Variants in TP53BP1 observed in about 807,000 individuals in gnomAD.
TP53BP1 encodes the protein TP53-binding protein 1.
Under a neutral mutation model 200.8 loss-of-function variants are expected in TP53BP1, and 61 were observed. That is an observed-to-expected ratio of 0.30 (90% CI 0.25 to 0.38). TP53BP1 has a LOEUF of 0.38. Among genes scored for constraint, TP53BP1 ranks in the 10% least tolerant of loss-of-function variants. TP53BP1 has a pLI of 1.00. For synonymous variants in TP53BP1, 822 were observed against 844.3 expected (o/e 0.97, Z 0.46); for missense variants, 2,144 against 2,371.9 (o/e 0.90, Z 2.00).
chr15:43,418,957 C>T (rs181982742), intron 21 of TP53BP1, among the ~76,000 whole-genome samples: 10 of 152,336 alleles, frequency 6.6e-5, no homozygotes, highest in Non-Finnish European at 1.3e-4. Context: ...CAGTGGCTCA[C>T]GCCTGCAAAC....
At chr15:43,509,063 T>C (rs1248379838) in intron 1 of TP53BP1, among the ~76,000 whole-genome samples, 1 of 151,970 alleles carries the variant, frequency 6.6e-6, no homozygotes, top group African/African-American at 2.4e-5. Context: ...GCAGTTGCTA[T>C]GGAAACTGTC....
intron 1 of TP53BP1, among the ~76,000 whole-genome samples, chr15:43,502,631 T>C (rs1040212075): frequency 6.7e-6 from 1 of 149,592 alleles, no homozygotes; most frequent in African/African-American, 2.4e-5. Flanking sequence ...TTTTTTTTTT[T>C]GTATTTTTTA....
chr15:43,481,162 T>G, intron 4 of TP53BP1, 140 bp from the exon 5 acceptor site: 1 of 886,514 alleles, frequency 1.1e-6, no homozygotes, highest in South Asian at 2.0e-5. Flanking sequence ...TAGTGCTTCT[T>G]TCTACAAAAA....
intron 11 of TP53BP1, among the ~76,000 whole-genome samples, chr15:43,468,694 A>C (rs570703110): frequency 2.0e-5 from 3 of 152,134 alleles, no homozygotes; most frequent in Non-Finnish European, 4.4e-5. Context: ...TAAGCATTTT[A>C]TATATATTAA....
intron 14 of TP53BP1, among the ~76,000 whole-genome samples, chr15:43,446,067 G>A (rs1383356547): frequency 6.6e-6 from 1 of 152,102 alleles, no homozygotes; most frequent in Non-Finnish European, 1.5e-5. Flanking sequence ...TCTAATTCAT[G>A]TGGGAAAGAA....
intron 4 of TP53BP1, among the ~76,000 whole-genome samples, 189 bp downstream of exon 4, chr15:43,491,480 T>C (rs2079121623): frequency 6.6e-6 from 1 of 152,164 alleles, no homozygotes; most frequent in South Asian, 2.1e-4. Context: ...GGTATAAAAA[T>C]TATTACCTTC....
chr15:43,432,764 G>T, intron 16 of TP53BP1, 87 bp from the exon 17 acceptor site: 1 of 1,400,440 alleles, frequency 7.1e-7, no homozygotes, highest in Non-Finnish European at 9.6e-7. Context: ...TGTGTGTGTA[G>T]TGGCAAGGGG....
At chr15:43,465,504 A>G (rs1050320013) in intron 11 of TP53BP1, among the ~76,000 whole-genome samples, 1 of 152,110 alleles carries the variant, frequency 6.6e-6, no homozygotes, top group African/African-American at 2.4e-5. Flanking sequence ...TTAGAAGACT[A>G]TTCTAGGAGT....
At chr15:43,446,710 G>C (rs1488031964) in intron 13 of TP53BP1, 120 bp from the exon 14 acceptor site, 2 of 1,534,966 alleles carry the variant, frequency 1.3e-6, no homozygotes, top group Non-Finnish European at 1.8e-6. Context: ...ATTGAAGGAG[G>C]TTCCTAGGAT....
At chr15:43,408,776 C>CA in intron 26 of TP53BP1, 121 bp downstream of exon 26, 1 of 991,240 alleles carries the variant, frequency 1.0e-6, no homozygotes, top group South Asian at 1.6e-5. Context: ...CAAACCCACT[C>CA]AAATTTATCC....
At position 43,457,123 on chromosome 15, in the gene TP53BP1, A is replaced by G; in HGVS notation, c.1485T>C (p.Ser495=). 6.2e-7 allele frequency: 1 copy of G among 1,614,180 alleles called. No individual in the cohort carries two copies. The highest frequency in any genetic ancestry group is 8.5e-7 in the Non-Finnish European group (1 of 1,180,000). Reference sequence around the variant, plus strand: ...TCTTTGGTTCAATCTCTGAAGTTTTAGAACACTCAACTGTCAAAGATGAAC... The same window carrying G: ...TCTTTGGTTCAATCTCTGAAGTTTTGGAACACTCAACTGTCAAAGATGAAC... ...MHSSSLTVEC[S]KTSEIEPKNS... Residue 495 remains serine, a synonymous_variant, in exon 12 of 28, where the codon TCT becomes TCC. Transcript: ENST00000382044.
At chr15:43,461,659 T>G (rs148667159) in intron 11 of TP53BP1, among the ~76,000 whole-genome samples, 43 of 150,952 alleles carry the variant, frequency 2.8e-4, no homozygotes, top group African/African-American at 1.0e-3. Context: ...AAAAATTATG[T>G]GGATATACAT....
At position 43,409,434 on chromosome 15, in the gene TP53BP1, A is replaced by C. The variant is rs188397832; in HGVS notation, c.5400+213T>G. 293 of 538,112 alleles carry C rather than the reference A, an allele frequency of 5.4e-4. 1 individual carries two copies. The highest frequency in any genetic ancestry group is 5.1e-3 in the African/African-American group (271 of 53,244). The allele number at this position is 538,112 out of a possible 1,614,324, so 33.3% of individuals were successfully genotyped here. On this transcript the variant is annotated intron_variant, in intron 25 of 27. Transcript: ENST00000382044. ...AATCTTCTTTTGTCCCAGCAACAGAACCATAGCCATTAACTAACCCAAGGT... is the reference window on the plus strand; with the variant it reads ...AATCTTCTTTTGTCCCAGCAACAGACCCATAGCCATTAACTAACCCAAGGT...
Position 43,421,114 on chromosome 15 carries a change from G to A in TP53BP1, c.4161C>T (p.Gly1387=). 2 of 1,614,148 alleles carry A rather than the reference G, an allele frequency of 1.2e-6. No homozygotes were observed. The highest frequency in any genetic ancestry group is 1.7e-6 in the Non-Finnish European group (2 of 1,179,972). ...TPVCEEDGDA[G]LGIRQGGKAP... ...CCTTCCCTCCCTGTCTGATGCCAAG[G>A]CCTGCATCACCATCCTCCTCACACA... Residue 1387 remains glycine, a synonymous_variant, in exon 20 of 28, where the codon GGC becomes GGT. Transcript: ENST00000382044.
At chr15:43,411,759 A>G (rs1595520424) in intron 24 of TP53BP1, among the ~76,000 whole-genome samples, 1 of 152,248 alleles carries the variant, frequency 6.6e-6, no homozygotes. Context: ...TTTTATGAGT[A>G]CAGTTTTATT....
At chr15:43,437,136 G>A (rs557086145) in intron 16 of TP53BP1, among the ~76,000 whole-genome samples, 3 of 152,256 alleles carry the variant, frequency 2.0e-5, no homozygotes, top group East Asian at 3.9e-4. Context: ...CTCAGCCTGG[G>A]TGACAGAGTG....
At chr15:43,495,063 G>C (rs1321565949), upstream of TP53BP1, among the ~76,000 whole-genome samples, 1 of 152,126 alleles carries the variant, frequency 6.6e-6, no homozygotes, top group African/African-American at 2.4e-5. Context: ...GTGGTGGCAT[G>C]TGCCTGTAGT....
intron 11 of TP53BP1, among the ~76,000 whole-genome samples, chr15:43,465,289 C>G (rs1566950943): frequency 6.6e-6 from 1 of 151,984 alleles, no homozygotes; most frequent in Admixed American, 6.6e-5. Flanking sequence ...GGTGATGAAA[C>G]TATTCTGAAA....
intron 15 of TP53BP1, among the ~76,000 whole-genome samples, chr15:43,438,717 C>T (rs2045856440): frequency 2.1e-5 from 1 of 46,970 alleles, no homozygotes; most frequent in Admixed American, 3.2e-4. Context: ...AAATAATTTG[C>T]AAGCAAGAGG....
Sources: allele counts gnomAD v4.1 joint callset (sites outside exome capture counted in the v4.1 genomes callset), GRCh38; gene constraint gnomAD v4.1.1; transcripts MANE v1.5; gene names NCBI Gene and HGNC (gene_info 2026-07-23, HGNC 2026-07-21).